The following FRMD4A variants were observed in gnomAD, a reference collection of about 807,000 sequenced individuals.
FRMD4A encodes the protein FERM domain-containing protein 4A.
FRMD4A carries 29 observed loss-of-function variants against 129.1 expected under a neutral mutation model. That is an observed-to-expected ratio of 0.22 (90% confidence interval 0.17 to 0.31). The LOEUF is 0.31. Ranked by LOEUF, FRMD4A falls within the 10% of genes least tolerant of loss-of-function variation. The pLI is 1.00. For missense variants in FRMD4A, 1,272 were observed against 1,375.8 expected, an observed-to-expected ratio of 0.92 and a Z score of 1.19; for synonymous variants, 634 against 571.6, an observed-to-expected ratio of 1.11 and a Z score of -1.56.
At chr10:13,792,867 G>C (rs1384900016) in intron 5 of FRMD4A, among the ~76,000 whole-genome samples, 1 of 152,180 alleles carries the variant, frequency 6.6e-6, no homozygotes, top group Admixed American at 6.5e-5. Context: ...CCTGATACTT[G>C]CCTCAGGGCC....
intron 2 of FRMD4A, among the ~76,000 whole-genome samples, chr10:14,199,857 G>A (rs1308769465): frequency 7.1e-6 from 1 of 140,828 alleles, no homozygotes; most frequent in African/African-American, 2.5e-5. Flanking sequence ...AGAAAGACAT[G>A]AATAATTTTA....
At chr10:14,122,639 T>C (rs1005858527) in intron 2 of FRMD4A, among the ~76,000 whole-genome samples, 20 of 151,966 alleles carry the variant, frequency 1.3e-4, no homozygotes, top group Non-Finnish European at 1.9e-4. Flanking sequence ...CACTTTTAAA[T>C]GATTAGTTCT....
intron 2 of FRMD4A, among the ~76,000 whole-genome samples, chr10:13,872,762 G>T (rs1022114961): frequency 2.0e-5 from 3 of 152,222 alleles, no homozygotes; most frequent in Non-Finnish European, 4.4e-5. Flanking sequence ...AGTGACAGAG[G>T]TTGTTTATAT....
At chr10:14,267,431 A>G (rs186383780) in intron 2 of FRMD4A, among the ~76,000 whole-genome samples, 103 of 152,282 alleles carry the variant, frequency 6.8e-4, no homozygotes, top group African/African-American at 2.4e-3. Context: ...CCTGGAAGTA[A>G]CCTGTCATGT....
At chr10:14,139,326 A>T (rs1839712364) in intron 2 of FRMD4A, among the ~76,000 whole-genome samples, 1 of 152,136 alleles carries the variant, frequency 6.6e-6, no homozygotes, top group Non-Finnish European at 1.5e-5. Flanking sequence ...CCACTTTTTA[A>T]ATGGTCCGTG....
At chr10:14,054,783 C>T (rs1011652739) in intron 2 of FRMD4A, among the ~76,000 whole-genome samples, 4 of 152,170 alleles carry the variant, frequency 2.6e-5, no homozygotes, top group Non-Finnish European at 2.9e-5. Context: ...GTAACTGAAT[C>T]GTGGGGGCAG....
chr10:13,967,107 C>T (rs544350822), intron 2 of FRMD4A, among the ~76,000 whole-genome samples: 2 of 152,284 alleles, frequency 1.3e-5, no homozygotes, highest in African/African-American at 2.4e-5. Flanking sequence ...GAGGCCGAGG[C>T]GGGCAGATCA....
chr10:14,202,966 T>A (rs1308905797), intron 2 of FRMD4A, among the ~76,000 whole-genome samples: 3 of 151,628 alleles, frequency 2.0e-5, no homozygotes, highest in Non-Finnish European at 4.4e-5. Flanking sequence ...AGAGACAGGG[T>A]TTTTCCATGT....
chr10:14,152,189 A>G (rs1490583242), intron 2 of FRMD4A, among the ~76,000 whole-genome samples: 2 of 121,014 alleles, frequency 1.7e-5, no homozygotes, highest in Non-Finnish European at 3.2e-5. Context: ...GTGCAGTGGC[A>G]TGATCTTGGT....
intron 23 of FRMD4A, chr10:13,653,930 G>GCAAACATGTCAAGCTA (rs1564516681): frequency 5.2e-6 from 1 of 190,630 alleles, no homozygotes; most frequent in African/African-American, 2.3e-5. Flanking sequence ...GATCTCTTTT[G>GCAAACATGTCAAGCTA]TGTGTTGAGA....
At chr10:13,683,006 G>C (rs1014221638) in intron 15 of FRMD4A, among the ~76,000 whole-genome samples, 5 of 152,142 alleles carry the variant, frequency 3.3e-5, no homozygotes, top group African/African-American at 1.2e-4. Flanking sequence ...TTGCGTGATA[G>C]TGCAAGCATC....
In FRMD4A at chr10:14,253,554, T is replaced by G. The variant is rs186953810; in HGVS notation, c.45+76504A>C. On this transcript the variant is annotated intron_variant, in intron 2 of 24. Coordinates refer to ENST00000357447, the MANE Select transcript of FRMD4A (RefSeq NM_018027.5). ...TCGTTATAGCTTTAGTAATTCTTTC[T>G]GGTATCAGAAGAACTTCATTACAAA... 3.9e-4 allele frequency among the ~76,000 whole-genome samples: 59 copies of G among 152,362 alleles called. 1 individual carries two copies. The highest frequency in any genetic ancestry group is 1.4e-3 in the African/African-American group (59 of 41,588).
chr10:14,055,257 A>G (rs1834453805), intron 2 of FRMD4A, among the ~76,000 whole-genome samples: 1 of 152,182 alleles, frequency 6.6e-6, no homozygotes, highest in Non-Finnish European at 1.5e-5. Flanking sequence ...CAAGGAACTG[A>G]GGTTTTCAGG....
intron 2 of FRMD4A, among the ~76,000 whole-genome samples, chr10:13,943,231 C>A (rs1218758611): frequency 6.6e-6 from 1 of 152,142 alleles, no homozygotes; most frequent in Non-Finnish European, 1.5e-5. Context: ...CCAGTGGTCT[C>A]CCCTCAGGCC....
Position 14,077,304 on chromosome 10 carries a change from T to G in FRMD4A, c.46-218392A>C, listed in dbSNP as rs572550878. ...TTCTCACTGTCTGGGAAGTAAGATT[T>G]GGACTTGGCCAGTGGAAATTCAGTT... On this transcript the variant is annotated intron_variant, in intron 2 of 24. Transcript: ENST00000357447. 4.3e-4 allele frequency among the ~76,000 whole-genome samples: 65 copies of G among 152,320 alleles called. 1 individual carries two copies. The highest frequency in any genetic ancestry group is 1.5e-3 in the African/African-American group (64 of 41,596).
intron 3 of FRMD4A, among the ~76,000 whole-genome samples, chr10:13,822,044 A>C (rs2093636880): frequency 6.6e-6 from 1 of 152,184 alleles, no homozygotes; most frequent in Non-Finnish European, 1.5e-5. Flanking sequence ...ACAGAAATGG[A>C]AACGATATAT....
Position 13,658,132 on chromosome 10 carries a change from TAA to T in FRMD4A, c.2067-612_2067-611del, listed in dbSNP as rs565374030. 5.6e-3 allele frequency among the ~76,000 whole-genome samples: 452 copies of T among 81,282 alleles called. 1 individual carries two copies. Among genetic ancestry groups the T allele is most frequent in the South Asian group, 0.035 (70 of 2,016 alleles). 53.3% of individuals were successfully genotyped at this position (81,282 alleles called of 152,430 possible). On this transcript the variant is annotated intron_variant, in intron 21 of 24. Transcript: ENST00000357447. ...CAACAGGGCAAGACCCTGTCTCTCT[TAA>T]AAAAAAAAAAAAAAAAAAAAAAAGA... is the stretch of plus-strand genomic sequence containing the variant.
intron 4 of FRMD4A, among the ~76,000 whole-genome samples, chr10:13,798,916 T>A (rs1167370559): frequency 1.3e-5 from 2 of 152,210 alleles, no homozygotes; most frequent in African/African-American, 4.8e-5. Flanking sequence ...CCTTAGCTCA[T>A]GCTGTTCCTT....
At chr10:14,127,956 T>TTCTTTCTTTCTC (rs1838957985) in intron 2 of FRMD4A, among the ~76,000 whole-genome samples, 2 of 27,558 alleles carry the variant, frequency 7.3e-5, no homozygotes, top group African/African-American at 4.4e-4. Flanking sequence ...CTTTCTTTCT[T>TTCTTTCTTTCTC]TCTTTCTTTC....
Sources: allele counts gnomAD v4.1 joint callset (sites outside exome capture counted in the v4.1 genomes callset), GRCh38; gene constraint gnomAD v4.1.1; transcripts MANE v1.5; gene names NCBI Gene and HGNC (gene_info 2026-07-23, HGNC 2026-07-21).